Variants in GPC5 observed in about 807,000 individuals in gnomAD.
The protein encoded by GPC5 is glypican-5.
GPC5 carries 47 observed loss-of-function variants against 53.9 expected under a neutral mutation model. The ratio of observed to expected loss-of-function variants is 0.87; its 90% CI spans 0.69 to 1.11. GPC5 has a LOEUF of 1.11. GPC5 is among the 50% of genes most tolerant of loss of function. The probability of loss-of-function intolerance (pLI) is 0.00; values close to 1 mark genes in which losing one functional copy is unlikely to be tolerated. For missense variants in GPC5, 748 were observed against 713.1 expected (o/e 1.05, Z -0.56); for synonymous variants, 286 against 263.3 (o/e 1.09, Z -0.84).
chr13:92,370,982 C>T (rs2043645920), intron 7 of GPC5, among the ~76,000 whole-genome samples: 1 of 151,998 alleles, frequency 6.6e-6, no homozygotes, highest in South Asian at 2.1e-4. Flanking sequence ...AACTCCGTCT[C>T]TACTAAATAT....
intron 4 of GPC5, among the ~76,000 whole-genome samples, chr13:91,754,977 C>G (rs912779423): frequency 3.3e-5 from 5 of 152,018 alleles, no homozygotes; most frequent in African/African-American, 1.2e-4. Flanking sequence ...CTAAAAACTT[C>G]TGATTTTCTC....
intron 7 of GPC5, among the ~76,000 whole-genome samples, chr13:92,439,208 C>A (rs1163490370): frequency 6.6e-6 from 1 of 152,052 alleles, no homozygotes; most frequent in African/African-American, 2.4e-5. Context: ...GAAATAACTC[C>A]CATATCTAGA....
intron 7 of GPC5, among the ~76,000 whole-genome samples, chr13:92,415,506 T>C (rs1876246636): frequency 6.6e-6 from 1 of 152,154 alleles, no homozygotes; most frequent in South Asian, 2.1e-4. Flanking sequence ...ATGAATTCAC[T>C]CTTGACTGAG....
chr13:91,487,201 G>A (rs927959482), intron 2 of GPC5, among the ~76,000 whole-genome samples: 2 of 152,138 alleles, frequency 1.3e-5, no homozygotes, highest in Admixed American at 6.6e-5. Context: ...GGGAAGTCAC[G>A]GGTGTGATTA....
At chr13:92,120,195 AACTCTTGATAAAATTT>A (rs1162930170) in intron 6 of GPC5, among the ~76,000 whole-genome samples, 21 of 151,432 alleles carry the variant, frequency 1.4e-4, no homozygotes, top group African/African-American at 4.7e-4. Context: ...GCAGTAAGTA[AACTCTTGATAAAATTT>A]ACTCTATGAC....
chr13:92,162,536 C>G (rs1566463404), intron 7 of GPC5, among the ~76,000 whole-genome samples: 2 of 152,174 alleles, frequency 1.3e-5, no homozygotes, highest in Non-Finnish European at 2.9e-5. Context: ...CCTGAAGAAG[C>G]AGTTATTAAT....
At chr13:91,977,216 C>T (rs945485343) in intron 6 of GPC5, among the ~76,000 whole-genome samples, 5 of 152,010 alleles carry the variant, frequency 3.3e-5, no homozygotes, top group African/African-American at 9.7e-5. Flanking sequence ...AAGGAGAATA[C>T]AGGCAGATGT....
intron 1 of GPC5, among the ~76,000 whole-genome samples, chr13:91,416,697 C>T (rs545529258): frequency 3.9e-5 from 6 of 151,910 alleles, no homozygotes; most frequent in African/African-American, 7.2e-5. Flanking sequence ...TGAGAACATA[C>T]GGTGTTTGGT....
chr13:92,744,116 G>T (rs1412434350), intron 7 of GPC5, among the ~76,000 whole-genome samples: 2 of 152,032 alleles, frequency 1.3e-5, no homozygotes, highest in Non-Finnish European at 2.9e-5. Flanking sequence ...CTAGATTACT[G>T]GCAGTGAGAT....
intron 7 of GPC5, among the ~76,000 whole-genome samples, chr13:92,490,633 C>T (rs566302139): frequency 2.0e-5 from 3 of 151,936 alleles, no homozygotes; most frequent in Non-Finnish European, 4.4e-5. Flanking sequence ...CAGTGACTAA[C>T]GTATATAAAA....
At chr13:91,986,144 C>G (rs1048693609) in intron 6 of GPC5, among the ~76,000 whole-genome samples, 3 of 138,816 alleles carry the variant, frequency 2.2e-5, no homozygotes, top group African/African-American at 8.4e-5. Flanking sequence ...GGGCTTACTG[C>G]AAGCTCCGCC....
chr13:92,748,314 A>T (rs181701937), intron 7 of GPC5, among the ~76,000 whole-genome samples: 20 of 97,014 alleles, frequency 2.1e-4, no homozygotes, highest in South Asian at 3.5e-4. Context: ...ATTTTATTTT[A>T]TTATTATTAT....
rs1160982795 is a variant in GPC5, at chr13:92,566,061, C to T, written c.1562-300221C>T. Among the ~76,000 whole-genome samples, 4 of 152,112 alleles carry T rather than the reference C, an allele frequency of 2.6e-5. No homozygotes were observed. In the East Asian group the frequency reaches 5.8e-4, roughly 22 times the overall value. On this transcript the variant is annotated intron_variant, in intron 7 of 7. Transcript: ENST00000377067. ...AAAATACAAACTGGTGAGGAAATAA[C>T]TATAACTCAACTAATGGGATCAGAG...
At chr13:92,863,777 G>A (rs2138857930) in intron 7 of GPC5, among the ~76,000 whole-genome samples, 1 of 152,260 alleles carries the variant, frequency 6.6e-6, no homozygotes, top group Admixed American at 6.5e-5. Context: ...ACAGGTGTGA[G>A]CCACTGCTCT....
intron 6 of GPC5, among the ~76,000 whole-genome samples, chr13:91,959,391 G>A (rs1350505394): frequency 6.6e-6 from 1 of 151,826 alleles, no homozygotes; most frequent in African/African-American, 2.4e-5. Context: ...ATGAGACTCA[G>A]TCAGGAGTAA....
chr13:92,046,747 A>G (rs1457181235), intron 6 of GPC5, among the ~76,000 whole-genome samples: 2 of 152,242 alleles, frequency 1.3e-5, no homozygotes, highest in Non-Finnish European at 2.9e-5. Context: ...CATAGAGTTA[A>G]TGAAGATAGA....
rs150571492 is a variant in GPC5, at chr13:92,491,641, G to A, written c.1561+346652G>A. Among the ~76,000 whole-genome samples the A allele has an allele frequency of 1.9e-3, 284 of 152,140 alleles. 5 individuals carry two copies. The East Asian group carries it at 0.047, about 25-fold the overall frequency. On this transcript the variant is annotated intron_variant, in intron 7 of 7. Transcript: ENST00000377067. Reference sequence around the variant, plus strand: ...TAAGAATTAGTGCACTTGGCCAACCGTGTAGATTATCCACTTCAGCATTTT... The same window carrying A: ...TAAGAATTAGTGCACTTGGCCAACCATGTAGATTATCCACTTCAGCATTTT...
At chr13:92,284,752 A>G (rs919228422) in intron 7 of GPC5, among the ~76,000 whole-genome samples, 1 of 152,230 alleles carries the variant, frequency 6.6e-6, no homozygotes, top group African/African-American at 2.4e-5. Flanking sequence ...CAAAATAATA[A>G]GAGCTATTTA....
rs1257027554 is a variant in GPC5, at chr13:92,658,937, T to G, written c.1562-207345T>G. The G allele has an allele frequency of 4.5e-4, 62 of 138,492 alleles. 2 individuals are homozygous for G. The highest frequency in any genetic ancestry group is 1.5e-3 in the African/African-American group (57 of 37,902). The allele number at this position is 138,492 out of a possible 1,614,324, so 8.6% of individuals were successfully genotyped here. A position where few individuals can be genotyped will look rare whatever the true frequency, so the allele number is the denominator to read the frequency against. On this transcript the variant is annotated intron_variant, in intron 7 of 7. Transcript: ENST00000377067. ...TGTATATGTTTTGTTTTTTTTTTTT[T>G]TTTTTTTTTGAGACGGAGTCTCGCT...
Sources: allele counts gnomAD v4.1 joint callset (sites outside exome capture counted in the v4.1 genomes callset), GRCh38; gene constraint gnomAD v4.1.1; transcripts MANE v1.5; gene names NCBI Gene and HGNC (gene_info 2026-07-23, HGNC 2026-07-21).